The following ASAP2 variants were observed in gnomAD, a reference collection of about 807,000 sequenced individuals.
ASAP2 encodes the protein ArfGAP with SH3 domain, ankyrin repeat and PH domain 2.
A neutral mutation model predicts 131.4 loss-of-function variants in ASAP2; 45 were observed. That is an observed-to-expected ratio of 0.34 (90% confidence interval 0.27 to 0.44). The LOEUF is 0.44. ASAP2 is among the 20% of genes least tolerant of loss of function. The probability of loss-of-function intolerance (pLI) is 1.00; values close to 1 mark genes in which losing one functional copy is unlikely to be tolerated. For synonymous variants in ASAP2, 510 were observed against 503.0 expected, an observed-to-expected ratio of 1.01 and a Z score of -0.19; for missense variants, 1,011 against 1,297.0, an observed-to-expected ratio of 0.78 and a Z score of 3.39.
chr2:9,341,283 G>A lies in ASAP2; in HGVS notation c.850-3249G>A, dbSNP rs550520638. 2.0e-5 allele frequency among the ~76,000 whole-genome samples: 3 copies of A among 152,250 alleles called. No homozygotes were observed. In the East Asian group the frequency reaches 5.8e-4, roughly 29 times the overall value. On this transcript the variant is annotated intron_variant, in intron 9 of 27. Coordinates refer to ENST00000281419, the MANE Select transcript of ASAP2 (RefSeq NM_003887.3). ...GCTATTGTTACGGGGTCGCCTGGGA[G>A]TCACCTAGAGGATACTGAAGTAATT...
At chr2:9,265,310 A>G (rs754018442) in intron 1 of ASAP2, among the ~76,000 whole-genome samples, 7 of 152,244 alleles carry the variant, frequency 4.6e-5, no homozygotes, top group Non-Finnish European at 8.8e-5. Flanking sequence ...CGAATTGAGC[A>G]TCCTTGGATT....
chr2:9,371,057 G>A (rs1012319405), intron 16 of ASAP2, among the ~76,000 whole-genome samples: 20 of 152,276 alleles, frequency 1.3e-4, no homozygotes, highest in African/African-American at 4.3e-4. Flanking sequence ...TGGTTGTTCT[G>A]GGGCTAGGCG....
At position 9,403,407 on chromosome 2, in the gene ASAP2, C is replaced by T. The variant is rs567749515; in HGVS notation, c.*80C>T. 2.1e-6 allele frequency: 3 copies of T among 1,404,896 alleles called. No individual in the cohort carries two copies. In the East Asian group the frequency reaches 6.9e-5, roughly 32 times the overall value. 87.0% of individuals were successfully genotyped at this position (1,404,896 alleles called of 1,614,324 possible). A position where few individuals can be genotyped will look rare whatever the true frequency, so the allele number is the denominator to read the frequency against. ...AAAACTCTTGCCAGATAACCAGTTT[C>T]ATGAACTGTTTGTATGGCAGCCCAT... On this transcript the variant is annotated 3_prime_UTR_variant, in exon 28 of 28. Coordinates refer to ENST00000281419, the MANE Select transcript of ASAP2 (RefSeq NM_003887.3).
intron 1 of ASAP2, among the ~76,000 whole-genome samples, chr2:9,245,815 G>A (rs778785930): frequency 3.9e-5 from 6 of 152,152 alleles, no homozygotes; most frequent in South Asian, 4.1e-4. Context: ...GGGGGACAGA[G>A]CCTTTGTTTT....
At chr2:9,302,552 G>T (rs575361630) in intron 3 of ASAP2, among the ~76,000 whole-genome samples, 2 of 152,184 alleles carry the variant, frequency 1.3e-5, no homozygotes, top group South Asian at 4.2e-4. Context: ...TTGGCTCACT[G>T]CAGCCTCCGC....
chr2:9,369,898 A>G (rs887290207), intron 16 of ASAP2, among the ~76,000 whole-genome samples: 1 of 152,068 alleles, frequency 6.6e-6, no homozygotes, highest in Non-Finnish European at 1.5e-5. Context: ...CTGGAGTGCA[A>G]TGATGTGATC....
chr2:9,311,271 G>A lies in ASAP2; in HGVS notation c.346-7253G>A, dbSNP rs1340384385. On this transcript the variant is annotated intron_variant, in intron 3 of 27. Transcript: ENST00000281419. The surrounding 1 kb of genome is among the most constrained non-coding windows in gnomAD (Gnocchi z 5.2). The stretch of plus-strand genomic sequence containing the variant: ...AAATTAGCCAGGCATGGTGGCTCAT[G>A]CCTGTGGTCCCAGCTACTCGGGAGG... Among the ~76,000 whole-genome samples, 3 of 151,882 alleles carry A rather than the reference G, an allele frequency of 2.0e-5. No homozygotes were observed. The highest frequency in any genetic ancestry group is 4.4e-5 in the Non-Finnish European group (3 of 68,000).
intron 16 of ASAP2, among the ~76,000 whole-genome samples, chr2:9,369,863 T>TC (rs1673797490): frequency 6.6e-6 from 1 of 151,980 alleles, no homozygotes; most frequent in Non-Finnish European, 1.5e-5. Context: ...GATTTTTTTT[T>TC]CCCCTTCAAG....
At chr2:9,322,661 C>T (rs1441481139) in intron 5 of ASAP2, among the ~76,000 whole-genome samples, 1 of 152,144 alleles carries the variant, frequency 6.6e-6, no homozygotes, top group African/African-American at 2.4e-5. Context: ...GGTGGTTGGT[C>T]GTCTTCTACA....
intron 16 of ASAP2, among the ~76,000 whole-genome samples, chr2:9,371,286 T>C (rs1673935849): frequency 6.6e-6 from 1 of 152,236 alleles, no homozygotes; most frequent in African/African-American, 2.4e-5. Flanking sequence ...TGTGCTCCTA[T>C]AGCATTTGGC....
At chr2:9,271,158 T>C (rs1666365254) in intron 1 of ASAP2, 4 of 499,820 alleles carry the variant, frequency 8.0e-6, no homozygotes, top group Non-Finnish European at 1.4e-5. Context: ...TAGTCCAAGT[T>C]AAAAGCGGAC....
chr2:9,355,448 A>G (rs973386369), intron 12 of ASAP2, among the ~76,000 whole-genome samples: 13 of 152,178 alleles, frequency 8.5e-5, no homozygotes, highest in Non-Finnish European at 1.6e-4. Flanking sequence ...GCCACATCCC[A>G]CACAGCCGCC....
intron 1 of ASAP2, among the ~76,000 whole-genome samples, chr2:9,215,988 C>G (rs2666205): frequency 4.3e-4 from 65 of 152,084 alleles, no homozygotes; most frequent in Non-Finnish European, 6.9e-4. Context: ...CAGAGCTGCA[C>G]ATTGGACCTT....
intron 12 of ASAP2, 35 bp downstream of exon 12, chr2:9,350,930 CGTT>C (rs781007092): frequency 7.9e-6 from 12 of 1,526,310 alleles, no homozygotes; most frequent in Middle Eastern, 3.5e-4. Context: ...GCCATAGAGA[CGTT>C]GTCTTATGCT....
At chr2:9,230,375 G>A (rs531928476) in intron 1 of ASAP2, among the ~76,000 whole-genome samples, 11 of 152,214 alleles carry the variant, frequency 7.2e-5, no homozygotes, top group South Asian at 2.1e-4. Context: ...TTACAAGACT[G>A]AGCAGTGCAG....
chr2:9,269,794 T>C (rs1666213685), intron 1 of ASAP2, among the ~76,000 whole-genome samples: 1 of 152,250 alleles, frequency 6.6e-6, no homozygotes, highest in South Asian at 2.1e-4. Flanking sequence ...CCTCTGTGGC[T>C]ACCCTGTTGG....
chr2:9,314,683 C>A (rs778325164), intron 3 of ASAP2, among the ~76,000 whole-genome samples: 20 of 152,026 alleles, frequency 1.3e-4, no homozygotes, highest in Admixed American at 1.3e-4. Flanking sequence ...CCTGTAATCC[C>A]AGGTCTTTGG....
chr2:9,356,947 A>G (rs1336968887), intron 14 of ASAP2, among the ~76,000 whole-genome samples: 1 of 152,160 alleles, frequency 6.6e-6, no homozygotes, highest in East Asian at 1.9e-4. Context: ...ATTCTAATTG[A>G]GACACAATGG....
At chr2:9,313,306 C>G (rs1445185098) in intron 3 of ASAP2, among the ~76,000 whole-genome samples, 1 of 152,180 alleles carries the variant, frequency 6.6e-6, no homozygotes, top group Non-Finnish European at 1.5e-5. Flanking sequence ...CACCTAAGTT[C>G]TTATTGGAAT....
Sources: allele counts gnomAD v4.1 joint callset (sites outside exome capture counted in the v4.1 genomes callset), GRCh38; gene constraint gnomAD v4.1.1; non-coding constraint Gnocchi (gnomAD v3.1); transcripts MANE v1.5; gene names NCBI Gene and HGNC (gene_info 2026-07-23, HGNC 2026-07-21).